CFAP299: variants seen among roughly 807,000 people sequenced by gnomAD.
CFAP299 encodes the protein cilia and flagella associated protein 299.
A neutral mutation model predicts 27.0 loss-of-function variants in CFAP299; 21 were observed. The ratio of observed to expected loss-of-function variants is 0.78; its 90% confidence interval spans 0.55 to 1.12. CFAP299 has a LOEUF of 1.12. CFAP299 is among the 50% of genes most tolerant of loss of function. CFAP299 has a pLI of 0.00. For missense variants in CFAP299, 310 were observed against 276.6 expected (o/e 1.12, Z -0.86); for synonymous variants, 104 against 98.1 (o/e 1.06, Z -0.36).
intron 3 of CFAP299, among the ~76,000 whole-genome samples, chr4:80,603,233 T>C (rs1324275827): frequency 6.6e-6 from 1 of 152,128 alleles, no homozygotes; most frequent in Non-Finnish European, 1.5e-5. Flanking sequence ...TAAAAAGACA[T>C]ACTATAACAT....
At chr4:80,803,421 G>T (rs1005892393) in intron 3 of CFAP299, among the ~76,000 whole-genome samples, 8 of 151,930 alleles carry the variant, frequency 5.3e-5, no homozygotes, top group African/African-American at 1.9e-4. Context: ...AAATATTAAG[G>T]TATTTCAAAA....
At chr4:80,843,442 G>A (rs896728740) in intron 3 of CFAP299, among the ~76,000 whole-genome samples, 1 of 152,104 alleles carries the variant, frequency 6.6e-6, no homozygotes, top group Non-Finnish European at 1.5e-5. Context: ...GTATTCCGTG[G>A]TGTATATGTG....
At chr4:80,871,200 C>G (rs943982085) in intron 4 of CFAP299, 41 of 985,184 alleles carry the variant, frequency 4.2e-5, no homozygotes, top group Non-Finnish European at 4.9e-5. Context: ...AGCCACCGAG[C>G]CTGACTCCCA....
intron 3 of CFAP299, among the ~76,000 whole-genome samples, chr4:80,662,993 A>G (rs1740940610): frequency 6.6e-6 from 1 of 151,958 alleles, no homozygotes; most frequent in Non-Finnish European, 1.5e-5. Flanking sequence ...GTCTCTGAAG[A>G]ATCCTTTTTC....
chr4:80,546,204 T>G (rs1217236879), intron 2 of CFAP299, among the ~76,000 whole-genome samples: 1 of 152,074 alleles, frequency 6.6e-6, no homozygotes, highest in Non-Finnish European at 1.5e-5. Flanking sequence ...GGATGCCTAC[T>G]CTCACCACTC....
chr4:80,773,316 G>A (rs560210507), intron 3 of CFAP299, among the ~76,000 whole-genome samples: 8 of 152,232 alleles, frequency 5.3e-5, no homozygotes, highest in African/African-American at 1.7e-4. Context: ...GTCCTAGTAG[G>A]TGGTAAAGTA....
intron 3 of CFAP299, among the ~76,000 whole-genome samples, chr4:80,588,711 GA>G (rs1736572923): frequency 6.6e-6 from 1 of 151,752 alleles, no homozygotes; most frequent in Admixed American, 6.6e-5. Context: ...ACAGAATCAA[GA>G]CAGCCAATTA....
chr4:80,531,841 TC>T, intron 2 of CFAP299, among the ~76,000 whole-genome samples: 1 of 150,838 alleles, frequency 6.6e-6, no homozygotes, highest in African/African-American at 2.4e-5. Flanking sequence ...GCAACCTCTG[TC>T]CCCTGGATTC....
chr4:80,351,571 T>A (rs1358043882), intron 1 of CFAP299, among the ~76,000 whole-genome samples: 1 of 151,778 alleles, frequency 6.6e-6, no homozygotes, highest in Non-Finnish European at 1.5e-5. Flanking sequence ...CAAATGGGAC[T>A]AATAAGAAAG....
intron 4 of CFAP299, among the ~76,000 whole-genome samples, chr4:80,932,673 T>C (rs1161553219): frequency 6.6e-6 from 1 of 152,204 alleles, no homozygotes; most frequent in East Asian, 1.9e-4. Context: ...TAAATATCTC[T>C]ATCATATTTT....
At chr4:80,935,321 G>A (rs1736835004) in intron 4 of CFAP299, among the ~76,000 whole-genome samples, 1 of 151,942 alleles carries the variant, frequency 6.6e-6, no homozygotes, top group Non-Finnish European at 1.5e-5. Context: ...TACTCTACAA[G>A]GCTACAGTAA....
At chr4:80,621,074 T>C (rs1176984303) in intron 3 of CFAP299, among the ~76,000 whole-genome samples, 1 of 152,068 alleles carries the variant, frequency 6.6e-6, no homozygotes, top group Non-Finnish European at 1.5e-5. Flanking sequence ...ATTAATAGAT[T>C]CCCAGTGGAT....
intron 3 of CFAP299, among the ~76,000 whole-genome samples, chr4:80,697,540 A>G (rs538239413): frequency 1.3e-5 from 2 of 152,324 alleles, no homozygotes; most frequent in South Asian, 2.1e-4. Flanking sequence ...GTGAGAATCA[A>G]TTGTTCTTAA....
chr4:80,820,728 T>A (rs953571435), intron 3 of CFAP299, among the ~76,000 whole-genome samples: 2 of 152,088 alleles, frequency 1.3e-5, no homozygotes, highest in African/African-American at 2.4e-5. Flanking sequence ...ACAGAATCAT[T>A]CTCTTTGCGT....
chr4:80,705,337 G>T (rs984894188), intron 3 of CFAP299, among the ~76,000 whole-genome samples: 4 of 151,774 alleles, frequency 2.6e-5, no homozygotes, highest in African/African-American at 9.7e-5. Flanking sequence ...GGCTGCCAAG[G>T]TGGTACAGTT....
chr4:80,963,168 T>C (rs1416207655), intron 5 of CFAP299, among the ~76,000 whole-genome samples: 1 of 152,102 alleles, frequency 6.6e-6, no homozygotes, highest in African/African-American at 2.4e-5. Flanking sequence ...GATAGGATTC[T>C]TTTTGAATTA....
At chr4:80,620,586 C>T (rs981624108) in intron 3 of CFAP299, among the ~76,000 whole-genome samples, 2 of 152,110 alleles carry the variant, frequency 1.3e-5, no homozygotes, top group Non-Finnish European at 2.9e-5. Flanking sequence ...GGCTTGATTC[C>T]TGATGCCATA....
intron 3 of CFAP299, among the ~76,000 whole-genome samples, chr4:80,668,867 T>C (rs769411258): frequency 7.2e-5 from 11 of 152,134 alleles, no homozygotes; most frequent in Non-Finnish European, 1.0e-4. Context: ...CATTGTTTTT[T>C]TGATAGGGAT....
At chr4:80,325,551 A>C in the CFAP299 span, among the ~76,000 whole-genome samples, 1 of 152,346 alleles carries the variant, frequency 6.6e-6, no homozygotes, top group Non-Finnish European at 1.5e-5. Flanking sequence ...CAATGACAAC[A>C]GTTAATGTCC....
Sources: gnomAD v4.1 joint callset for allele counts (sites outside exome capture counted in the v4.1 genomes callset) on GRCh38, gnomAD v4.1.1 for gene constraint, MANE v1.5 for transcripts, NCBI Gene and HGNC (gene_info 2026-07-23, HGNC 2026-07-21) for gene names.